BMPR1A: variants seen among roughly 807,000 people sequenced by gnomAD.
BMPR1A encodes the protein bone morphogenetic protein receptor type 1A.
BMPR1A carries 7 observed loss-of-function variants against 66.0 expected under a neutral mutation model. The observed-to-expected ratio is 0.11, with a 90% CI of 0.06 to 0.20. The LOEUF is 0.20. Among genes scored for constraint, BMPR1A ranks in the 10% least tolerant of loss-of-function variants. BMPR1A has a pLI of 1.00. For missense variants in BMPR1A, 408 were observed against 669.1 expected (o/e 0.61, Z 4.31); for synonymous variants, 200 against 229.7 (o/e 0.87, Z 1.17).
chr10:86,818,250 C>A (rs1347312092), intron 1 of BMPR1A, among the ~76,000 whole-genome samples: 1 of 152,188 alleles, frequency 6.6e-6, no homozygotes, highest in Non-Finnish European at 1.5e-5. Context: ...AACTCCTGAC[C>A]TCGTGATCTG....
intron 2 of BMPR1A, among the ~76,000 whole-genome samples, chr10:86,862,470 G>T (rs1842724296): frequency 6.6e-6 from 1 of 152,158 alleles, no homozygotes; most frequent in African/African-American, 2.4e-5. Context: ...CCGTTGGAGG[G>T]ATCTGAATGG....
intron 7 of BMPR1A, among the ~76,000 whole-genome samples, chr10:86,910,431 G>A (rs1843462460): frequency 6.6e-6 from 1 of 152,168 alleles, no homozygotes; most frequent in South Asian, 2.1e-4. Flanking sequence ...AAAGAAAAAG[G>A]TGACACTTTG....
intron 1 of BMPR1A, among the ~76,000 whole-genome samples, chr10:86,767,260 C>G (rs947095675): frequency 2.6e-5 from 4 of 152,182 alleles, no homozygotes; most frequent in African/African-American, 9.7e-5. Flanking sequence ...TTGTTATACG[C>G]TCCTTTGATT....
rs764466269 is a variant in BMPR1A at position 86,892,190 on chromosome 10, A to G, written c.294A>G (p.Ser98=). 4 of 1,613,970 alleles carry G rather than the reference A, an allele frequency of 2.5e-6. No individual in the cohort carries two copies. Among genetic ancestry groups the G allele is most frequent in the Non-Finnish European group, 1.7e-6 (2 of 1,179,842 alleles). The change falls in exon 5 of 13, where the codon TCA becomes TCG. Residue 98 remains serine (S), a synonymous_variant. Transcript: ENST00000372037. Reference sequence around the variant, plus strand: ...ACCAGGGAGAAACCACATTAGCTTCAGGGTGTATGAAATATGAAGGATCTG... The same window carrying G: ...ACCAGGGAGAAACCACATTAGCTTCGGGGTGTATGAAATATGAAGGATCTG... ...EDDQGETTLA[S]GCMKYEGSDF... is the part of the protein sequence containing the mutation.
At chr10:86,767,165 A>G (rs1034331772) in intron 1 of BMPR1A, among the ~76,000 whole-genome samples, 8 of 152,136 alleles carry the variant, frequency 5.3e-5, no homozygotes, top group African/African-American at 1.9e-4. Flanking sequence ...AGCTGAAAAA[A>G]CATTCATGAT....
At chr10:86,914,466 G>A (rs1021748238) in intron 8 of BMPR1A, among the ~76,000 whole-genome samples, 1 of 152,032 alleles carries the variant, frequency 6.6e-6, no homozygotes, top group Admixed American at 6.6e-5. Flanking sequence ...TCACAGATTG[G>A]CAAAACAGAT....
intron 1 of BMPR1A, among the ~76,000 whole-genome samples, chr10:86,759,539 C>A (rs1484300862): frequency 6.6e-6 from 1 of 152,102 alleles, no homozygotes; most frequent in Non-Finnish European, 1.5e-5. Context: ...CATACCAAAC[C>A]CAAACCTTTT....
At chr10:86,826,176 T>C (rs978898149) in intron 1 of BMPR1A, among the ~76,000 whole-genome samples, 1 of 152,282 alleles carries the variant, frequency 6.6e-6, no homozygotes, top group South Asian at 2.1e-4. Context: ...TTTTAGCACG[T>C]GTATCCTAAG....
chr10:86,833,962 T>C (rs929034461), intron 1 of BMPR1A, among the ~76,000 whole-genome samples: 2 of 152,248 alleles, frequency 1.3e-5, no homozygotes, highest in Non-Finnish European at 2.9e-5. Context: ...CTTTTAATGC[T>C]GCTGCTGTTC....
At chr10:86,911,398 A>G (rs1362322308) in intron 7 of BMPR1A, among the ~76,000 whole-genome samples, 1 of 152,202 alleles carries the variant, frequency 6.6e-6, no homozygotes, top group Non-Finnish European at 1.5e-5. Flanking sequence ...GAACGCCTAC[A>G]AATCAATGAG....
At chr10:86,775,172 A>G (rs1409213507) in intron 1 of BMPR1A, among the ~76,000 whole-genome samples, 3 of 152,250 alleles carry the variant, frequency 2.0e-5, no homozygotes, top group Admixed American at 1.3e-4. Flanking sequence ...ATCGATTGAC[A>G]AACTGAGAAA....
chr10:86,757,628 C>G (rs888787213), intron 1 of BMPR1A, among the ~76,000 whole-genome samples: 1 of 152,186 alleles, frequency 6.6e-6, no homozygotes, highest in African/African-American at 2.4e-5. Flanking sequence ...CTCTTTCATG[C>G]TCTCAGATGT....
At chr10:86,758,344 T>C (rs1471994176) in intron 1 of BMPR1A, among the ~76,000 whole-genome samples, 1 of 151,484 alleles carries the variant, frequency 6.6e-6, no homozygotes, top group Non-Finnish European at 1.5e-5. Context: ...ACTGGCTTCT[T>C]AACCTTCCGT....
At chr10:86,800,877 G>A (rs1282409988) in intron 1 of BMPR1A, among the ~76,000 whole-genome samples, 1 of 152,190 alleles carries the variant, frequency 6.6e-6, no homozygotes, top group Non-Finnish European at 1.5e-5. Context: ...GACATTGAAA[G>A]GGATTATTTT....
intron 1 of BMPR1A, among the ~76,000 whole-genome samples, chr10:86,787,954 A>G (rs1323714344): frequency 6.6e-6 from 1 of 151,886 alleles, no homozygotes; most frequent in East Asian, 1.9e-4. Flanking sequence ...TCAACATGAG[A>G]TTTGGGTGGG....
intron 1 of BMPR1A, among the ~76,000 whole-genome samples, chr10:86,797,884 A>G (rs1159823229): frequency 6.6e-6 from 1 of 152,146 alleles, no homozygotes; most frequent in African/African-American, 2.4e-5. Context: ...GCTGTAGGAT[A>G]TTGTCATTTA....
At chr10:86,908,599 C>T (rs980035651) in intron 7 of BMPR1A, among the ~76,000 whole-genome samples, 2 of 152,194 alleles carry the variant, frequency 1.3e-5, no homozygotes, top group Non-Finnish European at 2.9e-5. Flanking sequence ...GTTCCTACCT[C>T]CCCTGTAGCT....
At chr10:86,791,972 C>T (rs1841633964) in intron 1 of BMPR1A, among the ~76,000 whole-genome samples, 1 of 149,540 alleles carries the variant, frequency 6.7e-6, no homozygotes, top group Non-Finnish European at 1.5e-5. Context: ...CCTGCTTTGG[C>T]CTCCCGGAAG....
chr10:86,800,114 T>C (rs542992395), intron 1 of BMPR1A, among the ~76,000 whole-genome samples: 1 of 152,184 alleles, frequency 6.6e-6, no homozygotes, highest in Non-Finnish European at 1.5e-5. Context: ...TGTAATTTTT[T>C]AAAAATTAGT....
Sources: allele counts gnomAD v4.1 joint callset (sites outside exome capture counted in the v4.1 genomes callset), GRCh38; gene constraint gnomAD v4.1.1; transcripts MANE v1.5; gene names NCBI Gene and HGNC (gene_info 2026-07-23, HGNC 2026-07-21).